SDK2: variants seen among roughly 807,000 people sequenced by gnomAD.
SDK2 encodes the protein sidekick cell adhesion molecule 2.
A neutral mutation model predicts 253.9 loss-of-function variants in SDK2; 105 were observed. The ratio of observed to expected loss-of-function variants is 0.41; its 90% confidence interval spans 0.35 to 0.49. The LOEUF (loss-of-function observed/expected upper bound fraction) is 0.49, where lower values mean the gene tolerates loss of function less well. Ranked by LOEUF, SDK2 falls within the 20% of genes least tolerant of loss-of-function variation. SDK2 has a pLI of 0.06. For missense variants in SDK2, 2,608 were observed against 3,003.0 expected, an observed-to-expected ratio of 0.87 and a Z score of 3.07; for synonymous variants, 1,249 against 1,234.9, an observed-to-expected ratio of 1.01 and a Z score of -0.24.
chr17:73,580,872 C>T (rs1394240635), intron 1 of SDK2, among the ~76,000 whole-genome samples: 1 of 152,180 alleles, frequency 6.6e-6, no homozygotes, highest in African/African-American at 2.4e-5. Flanking sequence ...ACTGACATGA[C>T]ATTCAAAGGA....
chr17:73,543,941 C>T (rs1187108939), intron 1 of SDK2, among the ~76,000 whole-genome samples: 1 of 152,188 alleles, frequency 6.6e-6, no homozygotes, highest in African/African-American at 2.4e-5. Context: ...TCTGAAACTG[C>T]AGGCAGAGGG....
Position 73,361,905 on chromosome 17 carries a change from A to C in SDK2, c.5306-60T>G. On this transcript the variant is annotated intron_variant, in intron 38 of 44. Transcript: ENST00000392650. This position sits in a 1 kb window ranked among gnomAD's most constrained non-coding sequence, Gnocchi z 4.1. The stretch of plus-strand genomic sequence containing the variant: ...GGGCCCACCGAGGGCACTGGAGGCC[A>C]TGGGGAAGGGGAAGCGGCCGTGGCC... 1.0e-5 allele frequency: 15 copies of C among 1,497,052 alleles called. No homozygotes were observed. Among genetic ancestry groups the C allele is most frequent in the Non-Finnish European group, 1.4e-5 (15 of 1,109,162 alleles). The allele number at this position is 1,497,052 out of a possible 1,614,324, so 92.7% of individuals were successfully genotyped here.
chr17:73,339,252 CAG>C (rs1022466734), intron 44 of SDK2, among the ~76,000 whole-genome samples: 4 of 138,762 alleles, frequency 2.9e-5, no homozygotes, highest in African/African-American at 7.8e-5. Context: ...TTTTTTGAGA[CAG>C]AATCTCGCTG....
chr17:73,492,229 C>A (rs764295694), intron 2 of SDK2, among the ~76,000 whole-genome samples: 41 of 152,132 alleles, frequency 2.7e-4, no homozygotes, highest in Non-Finnish European at 5.3e-4. Context: ...GAATAATAAT[C>A]CCGGTTGTTT....
At chr17:73,340,321 T>C (rs1279802377) in intron 44 of SDK2, among the ~76,000 whole-genome samples, 1 of 152,208 alleles carries the variant, frequency 6.6e-6, no homozygotes, top group Non-Finnish European at 1.5e-5. Context: ...AGTAAAACCT[T>C]GTACCCAGGA....
intron 36 of SDK2, among the ~76,000 whole-genome samples, chr17:73,375,393 C>G (rs1358116725): frequency 6.6e-6 from 1 of 151,924 alleles, no homozygotes; most frequent in Non-Finnish European, 1.5e-5. Flanking sequence ...GCATGTGCCA[C>G]CACACCCGGC....
intron 10 of SDK2, among the ~76,000 whole-genome samples, chr17:73,432,819 T>C (rs1355308223): frequency 6.6e-6 from 1 of 152,038 alleles, no homozygotes; most frequent in African/African-American, 2.4e-5. Flanking sequence ...TGCACATGTG[T>C]ATGTACGTGT....
Position 73,350,366 on chromosome 17 carries a change from G to C in SDK2, c.5909C>G (p.Ala1970Gly). 6.2e-7 allele frequency: 1 copy of C among 1,613,520 alleles called. No individual in the cohort carries two copies. Among genetic ancestry groups the C allele is most frequent in the Non-Finnish European group, 8.5e-7 (1 of 1,179,680 alleles). The change falls in exon 43 of 45, where the codon GCC becomes GGC. Residue 1970 changes from alanine (A) to glycine (G), a missense_variant. By Grantham distance (60) the Ala-to-Gly change is moderately conservative. Transcript: ENST00000392650. ...GCTGTGGCCTAGGGCTCCAGACTTG[G>C]CACTGTTCCCTGAAGTCGGCGGGAG... ...YAKKTDSGNSAKSGALGHSEM... is the reference protein window; with the variant it reads ...YAKKTDSGNSGKSGALGHSEM...
intron 29 of SDK2, among the ~76,000 whole-genome samples, chr17:73,388,818 C>CTCCT (rs140671690): frequency 0.04 from 928 of 23,244 alleles, 33 homozygotes; most frequent in African/African-American, 0.075. Context: ...TTCCCTCCCT[C>CTCCT]TCCTTCCTTC....
chr17:73,622,968 T>C (rs578070381), intron 1 of SDK2, among the ~76,000 whole-genome samples: 1 of 152,346 alleles, frequency 6.6e-6, no homozygotes, highest in Non-Finnish European at 1.5e-5. Flanking sequence ...TGCTCCCATC[T>C]GTAGGCCTCG....
At chr17:73,428,891 T>C (rs2063304938) in intron 12 of SDK2, among the ~76,000 whole-genome samples, 1 of 152,132 alleles carries the variant, frequency 6.6e-6, no homozygotes, top group Admixed American at 6.5e-5. Flanking sequence ...GATGAAAAGA[T>C]GGTCCTAGAT....
In SDK2 at chr17:73,352,239, G is replaced by T. The variant is rs1054905144; in HGVS notation, c.5758+234C>A. ...TCTGCCCCTACCCAGGGCTTCTGGA[G>T]TTCCTTGAAAGGGAGCCCCAAAGAT... On this transcript the variant is annotated intron_variant, in intron 41 of 44. Coordinates refer to ENST00000392650, the MANE Select transcript of SDK2 (RefSeq NM_001144952.2). This position sits in a 1 kb window ranked among gnomAD's most constrained non-coding sequence, Gnocchi z 4.1. Among the ~76,000 whole-genome samples, 1 of 152,166 alleles carries T rather than the reference G, an allele frequency of 6.6e-6. No homozygotes were observed. Among genetic ancestry groups the T allele is most frequent in the African/African-American group, 2.4e-5 (1 of 41,440 alleles).
At chr17:73,360,216 G>A (rs932160171) in intron 39 of SDK2, among the ~76,000 whole-genome samples, 6 of 152,328 alleles carry the variant, frequency 3.9e-5, no homozygotes, top group Admixed American at 3.9e-4. Context: ...CAGCGGCTGG[G>A]TGGCTCCTGG....
At chr17:73,360,098 A>G (rs1394351781) in intron 39 of SDK2, among the ~76,000 whole-genome samples, 2 of 152,174 alleles carry the variant, frequency 1.3e-5, no homozygotes, top group African/African-American at 4.8e-5. Context: ...GGCCACTGCC[A>G]ACGCTTGGTC....
At chr17:73,355,174 A>ATATATATATATATATATATATT in intron 40 of SDK2, among the ~76,000 whole-genome samples, 18 of 47,230 alleles carry the variant, frequency 3.8e-4, no homozygotes, top group African/African-American at 2.9e-3. Flanking sequence ...ATATATATAT[A>ATATATATATATATATATATATT]TTTTTTTTTT....
At chr17:73,385,776 T>A in intron 32 of SDK2, 71 bp downstream of exon 32, 1 of 1,420,640 alleles carries the variant, frequency 7.0e-7, no homozygotes. Context: ...TGGTGGGGAC[T>A]GCTGGCTTTC....
chr17:73,375,201 A>C (rs1599497147), intron 36 of SDK2, among the ~76,000 whole-genome samples: 2 of 131,544 alleles, frequency 1.5e-5, no homozygotes, highest in Admixed American at 7.9e-5. Flanking sequence ...CTCAAATATC[A>C]CCTTCTCATT....
chr17:73,425,142 C>A (rs928979347), intron 12 of SDK2, among the ~76,000 whole-genome samples: 1 of 152,112 alleles, frequency 6.6e-6, no homozygotes, highest in Non-Finnish European at 1.5e-5. Flanking sequence ...ATCACTTGAA[C>A]CCGGGAAGTG....
chr17:73,500,171 C>T (rs537846070), intron 2 of SDK2, among the ~76,000 whole-genome samples: 2 of 146,146 alleles, frequency 1.4e-5, no homozygotes, highest in South Asian at 2.2e-4. Flanking sequence ...CTCTGTCCAT[C>T]CTCCCTCCAT....
Sources: gnomAD v4.1 joint callset for allele counts (sites outside exome capture counted in the v4.1 genomes callset) on GRCh38, gnomAD v4.1.1 for gene constraint, Gnocchi (gnomAD v3.1) non-coding constraint, MANE v1.5 for transcripts, NCBI Gene and HGNC (gene_info 2026-07-23, HGNC 2026-07-21) for gene names.